The following IL1RAPL1 variants were observed in gnomAD, a reference collection of about 807,000 sequenced individuals.
IL1RAPL1 encodes the protein interleukin-1 receptor accessory protein-like 1.
A neutral mutation model predicts 48.4 loss-of-function variants in IL1RAPL1; 3 were observed. The observed-to-expected ratio is 0.06, with a 90% CI of 0.03 to 0.16. The LOEUF (loss-of-function observed/expected upper bound fraction) is 0.16, where lower values mean the gene tolerates loss of function less well. IL1RAPL1 is among the 10% of genes least tolerant of loss of function. IL1RAPL1 has a pLI of 1.00. For missense variants in IL1RAPL1, 349 were observed against 530.6 expected, an observed-to-expected ratio of 0.66 and a Z score of 3.36; for synonymous variants, 185 against 187.7, an observed-to-expected ratio of 0.99 and a Z score of 0.12.
chrX:29,659,966 T>C (rs1427569911), intron 5 of IL1RAPL1, among the ~76,000 whole-genome samples: 1 of 111,556 alleles, frequency 9.0e-6, no homozygotes, highest in East Asian at 2.8e-4. Context: ...GCAGGAAGCA[T>C]GGCTAGGGAG....
chrX:29,184,266 C>G (rs866028452), intron 2 of IL1RAPL1, among the ~76,000 whole-genome samples: 1 of 111,344 alleles, frequency 9.0e-6, no homozygotes, highest in East Asian at 2.8e-4. Flanking sequence ...TTCCCAGCAA[C>G]GAATATAGTA....
intron 6 of IL1RAPL1, among the ~76,000 whole-genome samples, chrX:29,802,952 T>C (rs113403972): frequency 2.0e-5 from 1 of 49,990 alleles, no homozygotes; most frequent in African/African-American, 8.4e-5. Context: ...TGTATGCATA[T>C]ATGTATACAT....
At chrX:29,105,714 C>A (rs1180939334) in intron 2 of IL1RAPL1, among the ~76,000 whole-genome samples, 2 of 111,506 alleles carry the variant, frequency 1.8e-5, no homozygotes, top group Non-Finnish European at 3.8e-5. Context: ...AATGTGTAAT[C>A]TCAGGAAATT....
intron 2 of IL1RAPL1, among the ~76,000 whole-genome samples, chrX:29,024,062 T>C (rs896099022): frequency 1.8e-5 from 2 of 111,857 alleles, no homozygotes; most frequent in African/African-American, 3.2e-5. Flanking sequence ...ATGTAATTTA[T>C]CAAAGAGCAC....
intron 5 of IL1RAPL1, among the ~76,000 whole-genome samples, chrX:29,562,548 A>G (rs1418896859): frequency 8.9e-6 from 1 of 111,885 alleles, no homozygotes; most frequent in African/African-American, 3.2e-5. Flanking sequence ...GCCATCATTT[A>G]TATATTAACA....
intron 5 of IL1RAPL1, among the ~76,000 whole-genome samples, chrX:29,453,249 C>A (rs1207242206): frequency 9.1e-6 from 1 of 109,896 alleles, no homozygotes; most frequent in Non-Finnish European, 1.9e-5. Flanking sequence ...GTAAGAATAT[C>A]CCATTCCTAC....
chrX:29,109,296 C>CTTT (rs1284553812), intron 2 of IL1RAPL1, among the ~76,000 whole-genome samples: 1 of 90,497 alleles, frequency 1.1e-5, no homozygotes, highest in Non-Finnish European at 2.2e-5. Context: ...AGTACCTGTT[C>CTTT]TTTTTTTTTT....
At chrX:29,708,071 T>C (rs1456440372) in intron 6 of IL1RAPL1, among the ~76,000 whole-genome samples, 1 of 111,546 alleles carries the variant, frequency 9.0e-6, no homozygotes, top group Non-Finnish European at 1.9e-5. Flanking sequence ...AGCTTTTCTA[T>C]GTAAGATTTA....
intron 3 of IL1RAPL1, among the ~76,000 whole-genome samples, chrX:29,364,217 C>T (rs1933414914): frequency 9.0e-6 from 1 of 111,612 alleles, no homozygotes; most frequent in Non-Finnish European, 1.9e-5. Flanking sequence ...ACAGTTGGCC[C>T]TCTGCCTTTA....
chrX:28,697,196 T>C (rs936062491), intron 1 of IL1RAPL1, among the ~76,000 whole-genome samples: 2 of 111,261 alleles, frequency 1.8e-5, no homozygotes, highest in African/African-American at 6.5e-5. Flanking sequence ...AATTTAAATA[T>C]CCTGCCAGTT....
chrX:29,647,378 G>A lies in IL1RAPL1; in HGVS notation c.704-21052G>A, dbSNP rs751921682. On this transcript the variant is annotated intron_variant, in intron 5 of 10. Transcript: ENST00000378993. ...AAAAAAAAAAAAAATACTCTAATACGGTAATGATGGCGTGTAAATTCCTTA... is the reference window on the plus strand; with the variant it reads ...AAAAAAAAAAAAAATACTCTAATACAGTAATGATGGCGTGTAAATTCCTTA... Among the ~76,000 whole-genome samples the A allele has an allele frequency of 2.5e-3, 269 of 108,857 alleles. 1 individual carries two copies. Among genetic ancestry groups the A allele is most frequent in the Non-Finnish European group, 3.6e-3 (190 of 52,432 alleles). 94.5% of individuals were successfully genotyped at this position (108,857 alleles called of 115,157 possible). A position where few individuals can be genotyped will look rare whatever the true frequency, so the allele number is the denominator to read the frequency against.
rs1334630209 is a variant in IL1RAPL1, at chrX:28,861,402, G to A, written c.82+71977G>A. ...CACATAGCTAAAATTCAAGATGAAC[G>A]CAACACACAAAAAGAGGGCAAAACA... On this transcript the variant is annotated intron_variant, in intron 2 of 10. Transcript: ENST00000378993. 3.0e-4 allele frequency among the ~76,000 whole-genome samples: 33 copies of A among 111,836 alleles called. No homozygotes were observed. The Admixed American group carries it at 3.1e-3, about 11-fold the overall frequency.
chrX:29,620,618 G>A (rs992760547), intron 5 of IL1RAPL1, among the ~76,000 whole-genome samples: 1 of 111,922 alleles, frequency 8.9e-6, no homozygotes, highest in Non-Finnish European at 1.9e-5. Context: ...TACTAAATAA[G>A]ACAATAAAGA....
intron 6 of IL1RAPL1, among the ~76,000 whole-genome samples, chrX:29,758,435 G>A (rs1928669382): frequency 9.0e-6 from 1 of 111,475 alleles, no homozygotes; most frequent in African/African-American, 3.3e-5. Flanking sequence ...GCTCACGCCT[G>A]TAATCCCAGC....
intron 5 of IL1RAPL1, among the ~76,000 whole-genome samples, chrX:29,437,858 G>A (rs1371867006): frequency 9.1e-6 from 1 of 110,286 alleles, no homozygotes; most frequent in African/African-American, 3.3e-5. Context: ...CTGTCAATGA[G>A]GGGTGTTTGA....
At chrX:28,939,951 C>T (rs1924123790) in intron 2 of IL1RAPL1, among the ~76,000 whole-genome samples, 1 of 111,176 alleles carries the variant, frequency 9.0e-6, no homozygotes, top group African/African-American at 3.3e-5. Flanking sequence ...TTAATCAGCC[C>T]ATCATAACTG....
At chrX:29,463,540 T>G (rs1476096893) in intron 5 of IL1RAPL1, among the ~76,000 whole-genome samples, 1 of 111,717 alleles carries the variant, frequency 9.0e-6, no homozygotes, top group African/African-American at 3.3e-5. Context: ...GTCCCTTGTT[T>G]CTGGACTTAC....
intron 3 of IL1RAPL1, among the ~76,000 whole-genome samples, chrX:29,391,972 G>T (rs1325172602): frequency 3.6e-5 from 4 of 112,176 alleles, no homozygotes; most frequent in African/African-American, 6.5e-5. Flanking sequence ...TATGTTAGTT[G>T]TTTCTCCAAT....
At chrX:29,671,628 G>A (rs2147101275) in intron 6 of IL1RAPL1, among the ~76,000 whole-genome samples, 1 of 111,883 alleles carries the variant, frequency 8.9e-6, no homozygotes, top group South Asian at 3.7e-4. Flanking sequence ...GTACAGTTCT[G>A]GAAGTCAATC....
Sources: gnomAD v4.1 joint callset for allele counts (sites outside exome capture counted in the v4.1 genomes callset) on GRCh38, gnomAD v4.1.1 for gene constraint, MANE v1.5 for transcripts, NCBI Gene and HGNC (gene_info 2026-07-23, HGNC 2026-07-21) for gene names.